PHACTR3: variants seen among roughly 807,000 people sequenced by gnomAD.
PHACTR3 encodes the protein protein phosphatase 1, regulatory subunit 123.
Under a neutral mutation model 66.8 loss-of-function variants are expected in PHACTR3, and 16 were observed. The ratio of observed to expected loss-of-function variants is 0.24; its 90% confidence interval spans 0.16 to 0.36. PHACTR3 has a LOEUF of 0.36. Among genes scored for constraint, PHACTR3 ranks in the 10% least tolerant of loss-of-function variants. The probability of loss-of-function intolerance (pLI) is 1.00; values close to 1 mark genes in which losing one functional copy is unlikely to be tolerated. For missense variants in PHACTR3, 647 were observed against 719.9 expected, an observed-to-expected ratio of 0.90 and a Z score of 1.16; for synonymous variants, 323 against 292.1, an observed-to-expected ratio of 1.11 and a Z score of -1.08.
intron 1 of PHACTR3, among the ~76,000 whole-genome samples, chr20:59,660,138 G>T (rs2035760723): frequency 6.6e-6 from 1 of 152,154 alleles, no homozygotes; most frequent in South Asian, 2.1e-4. Context: ...TATCTCTGGG[G>T]TTCTTGCAGG....
chr20:59,817,405 C>T (rs1294407061), intron 8 of PHACTR3, among the ~76,000 whole-genome samples: 1 of 152,244 alleles, frequency 6.6e-6, no homozygotes, highest in Non-Finnish European at 1.5e-5. Context: ...TCCACTTCAC[C>T]CTCACTGGAA....
chr20:59,705,117 C>T (rs2037653241), intron 1 of PHACTR3, among the ~76,000 whole-genome samples: 2 of 152,026 alleles, frequency 1.3e-5, no homozygotes, highest in Admixed American at 1.3e-4. Context: ...CCACCATACC[C>T]AGCTAATTTT....
At chr20:59,735,029 C>T (rs2038899626) in intron 1 of PHACTR3, among the ~76,000 whole-genome samples, 1 of 152,056 alleles carries the variant, frequency 6.6e-6, no homozygotes, top group Non-Finnish European at 1.5e-5. Context: ...GAGAGGGTAC[C>T]TAGCACCACT....
At chr20:59,822,309 C>T (rs1208831232) in intron 8 of PHACTR3, among the ~76,000 whole-genome samples, 1 of 123,070 alleles carries the variant, frequency 8.1e-6, no homozygotes, top group Non-Finnish European at 1.7e-5. Context: ...TTTAGTTCAG[C>T]AACAGATGTT....
At chr20:59,749,266 T>G (rs2039489444) in intron 3 of PHACTR3, among the ~76,000 whole-genome samples, 1 of 152,066 alleles carries the variant, frequency 6.6e-6, no homozygotes, top group Non-Finnish European at 1.5e-5. Context: ...GAAAGGAAGA[T>G]GAAAACAATG....
chr20:59,781,408 C>T (rs2040722056), intron 7 of PHACTR3, among the ~76,000 whole-genome samples: 1 of 152,178 alleles, frequency 6.6e-6, no homozygotes, highest in Non-Finnish European at 1.5e-5. Flanking sequence ...ATTACTCTGC[C>T]CATTGGGATG....
intron 8 of PHACTR3, among the ~76,000 whole-genome samples, chr20:59,832,865 A>G (rs745517352): frequency 6.6e-6 from 1 of 152,178 alleles, no homozygotes; most frequent in Non-Finnish European, 1.5e-5. Flanking sequence ...GAAGCCATTC[A>G]TGTGCAGATT....
chr20:59,600,713 G>T (rs150748994), upstream of PHACTR3, among the ~76,000 whole-genome samples: 1 of 152,370 alleles, frequency 6.6e-6, no homozygotes, highest in Non-Finnish European at 1.5e-5. Flanking sequence ...TCCCATCTTT[G>T]TGGTTCTTCA....
rs373356691 is a variant in PHACTR3 at position 59,767,409 on chromosome 20, C to A, written c.751+14C>A. On this transcript the variant is annotated intron_variant, in intron 5 of 12. Coordinates refer to ENST00000371015, the MANE Select transcript of PHACTR3 (RefSeq NM_080672.5). Reference sequence around the variant, plus strand: ...AAAATGTCACAGGTGGGTCCACATGCATCCTGCCCATTCTATTTCCTTTCT... The same window carrying A: ...AAAATGTCACAGGTGGGTCCACATGAATCCTGCCCATTCTATTTCCTTTCT... The A allele has an allele frequency of 1.2e-6, 2 of 1,609,648 alleles. No homozygotes were observed. Among genetic ancestry groups the A allele is most frequent in the Non-Finnish European group, 8.5e-7 (1 of 1,177,598 alleles).
chr20:59,584,294 G>A (rs1033711123), intron 1 of PHACTR3, among the ~76,000 whole-genome samples: 17 of 152,026 alleles, frequency 1.1e-4, no homozygotes, highest in Admixed American at 8.5e-4. Flanking sequence ...GAGTGTGTAC[G>A]TGCCTGTGTG....
intron 1 of PHACTR3, among the ~76,000 whole-genome samples, chr20:59,581,183 C>T (rs992687294): frequency 3.9e-5 from 6 of 152,248 alleles, no homozygotes; most frequent in Non-Finnish European, 5.9e-5. Context: ...GCCCACCTGA[C>T]CTGCAAAACC....
rs757895372 is a variant in PHACTR3 at position 59,659,370 on chromosome 20, C to CTTTTTTTTTTTTT, written c.118+54249_118+54261dup. Among the ~76,000 whole-genome samples the CTTTTTTTTTTTTT allele has an allele frequency of 2.2e-5, 2 of 92,766 alleles. 1 individual carries two copies. The highest frequency in any genetic ancestry group is 8.9e-5 in the African/African-American group (2 of 22,576). 60.9% of individuals were successfully genotyped at this position (92,766 alleles called of 152,430 possible). On this transcript the variant is annotated intron_variant, in intron 1 of 12. Transcript: ENST00000371015. ...ACCTGTAGATCAGCTGGGTCTGGGA[C>CTTTTTTTTTTTTT]TTTTTTTTTTTTTTTTTTTTTTTGA...
chr20:59,737,014 G>C (rs2038967918), intron 1 of PHACTR3, among the ~76,000 whole-genome samples: 1 of 152,132 alleles, frequency 6.6e-6, no homozygotes, highest in Non-Finnish European at 1.5e-5. Flanking sequence ...TTTGGTTTAG[G>C]AGCAAAGGGT....
intron 1 of PHACTR3, among the ~76,000 whole-genome samples, chr20:59,590,955 A>C (rs953611084): frequency 1.3e-5 from 2 of 152,218 alleles, no homozygotes; most frequent in African/African-American, 2.4e-5. Context: ...TGCAGGACCC[A>C]TGTCCCATAT....
intron 1 of PHACTR3, among the ~76,000 whole-genome samples, chr20:59,610,083 G>A (rs1460162532): frequency 3.3e-5 from 5 of 152,164 alleles, no homozygotes; most frequent in Admixed American, 1.3e-4. Context: ...GTGAAACCCT[G>A]TCTCTATAAA....
At chr20:59,795,970 A>C (rs992250489) in intron 7 of PHACTR3, among the ~76,000 whole-genome samples, 2 of 152,086 alleles carry the variant, frequency 1.3e-5, no homozygotes, top group Admixed American at 6.5e-5. Context: ...ATTCAAAGTT[A>C]GTATTGATGG....
At chr20:59,669,100 C>G (rs2036103016) in intron 1 of PHACTR3, among the ~76,000 whole-genome samples, 1 of 152,048 alleles carries the variant, frequency 6.6e-6, no homozygotes, top group African/African-American at 2.4e-5. Flanking sequence ...CTGCCTCTGC[C>G]ATTTGCATGC....
At chr20:59,703,176 A>G (rs2037568684) in intron 1 of PHACTR3, among the ~76,000 whole-genome samples, 2 of 152,202 alleles carry the variant, frequency 1.3e-5, no homozygotes, top group African/African-American at 4.8e-5. Flanking sequence ...TTTTCTTGTC[A>G]GTACTTCCAA....
chr20:59,587,376 A>G (rs1431505455), intron 1 of PHACTR3, among the ~76,000 whole-genome samples: 1 of 152,254 alleles, frequency 6.6e-6, no homozygotes, highest in Non-Finnish European at 1.5e-5. Flanking sequence ...CCCGAGTCCC[A>G]GTGTGACCTT....
Sources: gnomAD v4.1 joint callset for allele counts (sites outside exome capture counted in the v4.1 genomes callset) on GRCh38, gnomAD v4.1.1 for gene constraint, MANE v1.5 for transcripts, NCBI Gene and HGNC (gene_info 2026-07-23, HGNC 2026-07-21) for gene names.